The following NPAS3 variants were observed in gnomAD, a reference collection of about 807,000 sequenced individuals.
NPAS3 encodes neuronal PAS domain protein 3, also known as neuronal PAS domain-containing protein 3.
In NPAS3, 14 loss-of-function variants were observed where a neutral mutation model predicts 73.1. The observed-to-expected ratio is 0.19, with a 90% confidence interval of 0.13 to 0.30. The LOEUF is 0.30. Ranked by LOEUF, NPAS3 falls within the 10% of genes least tolerant of loss-of-function variation. The pLI is 1.00. For synonymous variants in NPAS3, 620 were observed against 541.5 expected (o/e 1.14, Z -2.01); for missense variants, 1,096 against 1,250.0 (o/e 0.88, Z 1.86).
At chr14:33,227,621 C>G (rs760802593) in intron 3 of NPAS3, among the ~76,000 whole-genome samples, 44 of 152,140 alleles carry the variant, frequency 2.9e-4, no homozygotes, top group Non-Finnish European at 5.6e-4. Context: ...AAGATTATGT[C>G]TCCTGTGTCT....
At chr14:33,356,567 A>G (rs1182647623) in intron 3 of NPAS3, among the ~76,000 whole-genome samples, 1 of 152,136 alleles carries the variant, frequency 6.6e-6, no homozygotes, top group Non-Finnish European at 1.5e-5. Context: ...GCATTCATTC[A>G]TTTGAGTATT....
chr14:33,187,660 A>C (rs185643218), intron 2 of NPAS3, among the ~76,000 whole-genome samples: 6 of 152,286 alleles, frequency 3.9e-5, no homozygotes, highest in Admixed American at 6.5e-5. Flanking sequence ...GGCACCTGTG[A>C]ATAGCCACTG....
At position 33,103,660 on chromosome 14, in the gene NPAS3, G is replaced by A. The variant is rs571469960; in HGVS notation, c.140+47666G>A. Reference sequence around the variant, plus strand: ...TTGAGGTCAGTGCTACTCAGTCATAGAGGAGCAGCACTTTGGCTGTGTTGA... The same window carrying A: ...TTGAGGTCAGTGCTACTCAGTCATAAAGGAGCAGCACTTTGGCTGTGTTGA... On this transcript the variant is annotated intron_variant, in intron 2 of 11. Coordinates refer to ENST00000356141, the Ensembl canonical transcript of NPAS3. Among the ~76,000 whole-genome samples the A allele has an allele frequency of 7.9e-5, 12 of 152,292 alleles. No individual in the cohort carries two copies. The East Asian group carries it at 2.3e-3, about 29-fold the overall frequency.
chr14:33,152,402 C>T (rs1156694321), intron 2 of NPAS3, among the ~76,000 whole-genome samples: 2 of 152,124 alleles, frequency 1.3e-5, no homozygotes, highest in African/African-American at 4.8e-5. Context: ...GAGTGATGTT[C>T]TAATGACATT....
intron 2 of NPAS3, among the ~76,000 whole-genome samples, chr14:33,109,011 G>A (rs111647970): frequency 1.5e-3 from 232 of 152,034 alleles, no homozygotes; most frequent in African/African-American, 5.4e-3. Flanking sequence ...GTTTTATCTT[G>A]TTTTCTTTAC....
chr14:33,246,475 G>A (rs2048381983), intron 3 of NPAS3, among the ~76,000 whole-genome samples: 1 of 147,738 alleles, frequency 6.8e-6, no homozygotes, highest in Non-Finnish European at 1.5e-5. Flanking sequence ...GGGGGACGGA[G>A]CCTGCAGTGA....
chr14:33,329,400 T>C (rs1018070021), intron 3 of NPAS3, among the ~76,000 whole-genome samples: 1 of 152,154 alleles, frequency 6.6e-6, no homozygotes, highest in Admixed American at 6.5e-5. Flanking sequence ...TAGGGACAGA[T>C]GTGCTACTTT....
chr14:33,097,071 T>C (rs75971933), intron 2 of NPAS3, among the ~76,000 whole-genome samples: 3 of 144,610 alleles, frequency 2.1e-5, no homozygotes, highest in Non-Finnish European at 3.1e-5. Context: ...TGCAATTTTT[T>C]CCCCCCATTC....
intron 4 of NPAS3, among the ~76,000 whole-genome samples, chr14:33,432,969 T>C (rs1440657062): frequency 6.6e-6 from 1 of 152,246 alleles, no homozygotes; most frequent in African/African-American, 2.4e-5. Flanking sequence ...TTCCATGTCA[T>C]TGATTTTACT....
intron 2 of NPAS3, among the ~76,000 whole-genome samples, chr14:33,170,954 A>C (rs2045366343): frequency 6.6e-6 from 1 of 152,242 alleles, no homozygotes; most frequent in Admixed American, 6.5e-5. Context: ...CAAAATGGTG[A>C]ATCCTTTCCA....
intron 4 of NPAS3, among the ~76,000 whole-genome samples, chr14:33,466,842 C>G (rs1159397512): frequency 6.6e-6 from 1 of 152,120 alleles, no homozygotes; most frequent in Admixed American, 6.5e-5. Flanking sequence ...AGAACTCCAC[C>G]CCATGATCCA....
chr14:33,367,284 AAAG>A lies in NPAS3; in HGVS notation c.468+20_468+22del, dbSNP rs201005810. The A allele has an allele frequency of 0.02, 16,448 of 841,024 alleles. 233 individuals are homozygous for A. Among genetic ancestry groups the A allele is most frequent in the Non-Finnish European group, 0.027 (13,195 of 491,664 alleles). 52.1% of individuals were successfully genotyped at this position (841,024 alleles called of 1,614,324 possible). On this transcript the variant is annotated intron_variant, in intron 4 of 11. Transcript: ENST00000356141. ...CATTTTGCAGGTACCTTTAAAACAA[AAAG>A]AAGCTTTCTTATATTTTACTAAGAA...
intron 4 of NPAS3, among the ~76,000 whole-genome samples, chr14:33,431,649 C>T (rs925273116): frequency 6.6e-6 from 1 of 152,060 alleles, no homozygotes; most frequent in African/African-American, 2.4e-5. Flanking sequence ...CTTTAGGGAT[C>T]TAGAGTTCAC....
At chr14:33,033,682 A>G (rs554250104) in intron 1 of NPAS3, among the ~76,000 whole-genome samples, 10 of 152,206 alleles carry the variant, frequency 6.6e-5, no homozygotes, top group Admixed American at 1.3e-4. Flanking sequence ...GTCATACATC[A>G]CATAATAATG....
At chr14:33,759,735 C>A (rs1209051102) in intron 7 of NPAS3, among the ~76,000 whole-genome samples, 3 of 152,190 alleles carry the variant, frequency 2.0e-5, no homozygotes, top group Admixed American at 6.5e-5. Context: ...ACCTGGCCTG[C>A]TACTGGTTGT....
At chr14:33,243,074 A>G (rs1444146030) in intron 3 of NPAS3, among the ~76,000 whole-genome samples, 1 of 152,140 alleles carries the variant, frequency 6.6e-6, no homozygotes, top group East Asian at 1.9e-4. Context: ...TAACCTCCAT[A>G]TGCGTGCAAG....
chr14:32,990,180 T>C (rs548270588), intron 1 of NPAS3, among the ~76,000 whole-genome samples: 37 of 152,296 alleles, frequency 2.4e-4, no homozygotes, highest in African/African-American at 8.9e-4. Context: ...AAACGTGAAA[T>C]GGCAGAAACC....
intron 7 of NPAS3, among the ~76,000 whole-genome samples, chr14:33,753,430 T>C (rs1268957632): frequency 4.6e-5 from 7 of 151,680 alleles, no homozygotes; most frequent in African/African-American, 7.3e-5. Context: ...GCCTTTCACG[T>C]GTAACTGCAT....
intron 1 of NPAS3, among the ~76,000 whole-genome samples, chr14:32,993,851 T>C (rs868755323): frequency 6.6e-6 from 1 of 152,242 alleles, no homozygotes; most frequent in African/African-American, 2.4e-5. Context: ...TCTGTAGATA[T>C]AGTCAAATTT....
Sources: allele counts gnomAD v4.1 joint callset (sites outside exome capture counted in the v4.1 genomes callset), GRCh38; gene constraint gnomAD v4.1.1; transcripts MANE v1.5; gene names NCBI Gene and HGNC (gene_info 2026-07-23, HGNC 2026-07-21).